Variants in NDUFB5 observed in about 807,000 individuals in gnomAD.
The protein encoded by NDUFB5 is NADH dehydrogenase [ubiquinone] 1 beta subcomplex subunit 5, mitochondrial.
A neutral mutation model predicts 19.4 loss-of-function variants in NDUFB5; 19 were observed. The ratio of observed to expected loss-of-function variants is 0.98; its 90% confidence interval spans 0.68 to 1.43. The LOEUF (loss-of-function observed/expected upper bound fraction) is 1.43, where lower values mean the gene tolerates loss of function less well. NDUFB5 is among the 40% of genes most tolerant of loss of function. NDUFB5 has a pLI of 0.00. For synonymous variants in NDUFB5, 80 were observed against 82.6 expected, an observed-to-expected ratio of 0.97 and a Z score of 0.17; for missense variants, 233 against 236.5, an observed-to-expected ratio of 0.99 and a Z score of 0.10.
chr3:179,614,094 G>C (rs1193445008), intron 1 of NDUFB5, among the ~76,000 whole-genome samples: 1 of 152,194 alleles, frequency 6.6e-6, no homozygotes, highest in Non-Finnish European at 1.5e-5. Flanking sequence ...TAGTTACACA[G>C]TGAAAAGATA....
intron 5 of NDUFB5, among the ~76,000 whole-genome samples, chr3:179,619,949 G>C (rs914557456): frequency 6.6e-6 from 1 of 152,212 alleles, no homozygotes; most frequent in Non-Finnish European, 1.5e-5. Context: ...CTGATGGCCA[G>C]TGATATGAAT....
chr3:179,627,058 C>G lies in NDUFB5; in HGVS notation c.*3018C>G, dbSNP rs1319027999. On this transcript the variant is annotated 3_prime_UTR_variant, in exon 6 of 6. Transcript: ENST00000259037. ...CAGCATTGCTTGGCTTCTGGGGAGG[C>G]CTCAAGGAACTTTCACTCATAGCAG... is the stretch of plus-strand genomic sequence containing the variant. 1 of 152,096 alleles carries G rather than the reference C, an allele frequency of 6.6e-6. No individual in the cohort carries two copies. Among genetic ancestry groups the G allele is most frequent in the African/African-American group, 2.4e-5 (1 of 41,386 alleles). The allele number at this position is 152,096 out of a possible 1,614,324, so 9.4% of individuals were successfully genotyped here.
intron 1 of NDUFB5, among the ~76,000 whole-genome samples, chr3:179,611,727 T>A (rs1719246626): frequency 6.6e-6 from 1 of 152,050 alleles, no homozygotes; most frequent in South Asian, 2.1e-4. Flanking sequence ...ACACAAAAAG[T>A]TCCCACATTC....
intron 1 of NDUFB5, among the ~76,000 whole-genome samples, chr3:179,613,667 T>C (rs1719306198): frequency 6.6e-6 from 1 of 152,214 alleles, no homozygotes. Context: ...TTAAAAAGCC[T>C]TAGTAGTATG....
At chr3:179,622,430 C>G (rs1719563261) in intron 5 of NDUFB5, among the ~76,000 whole-genome samples, 1 of 152,164 alleles carries the variant, frequency 6.6e-6, no homozygotes, top group Admixed American at 6.5e-5. Context: ...TACAGACGTG[C>G]CACTGCTCCC....
chr3:179,618,789 T>G (rs1344482722), intron 5 of NDUFB5, among the ~76,000 whole-genome samples: 7 of 152,060 alleles, frequency 4.6e-5, no homozygotes, highest in Non-Finnish European at 8.8e-5. Context: ...AGGCAGAGGT[T>G]GCAGTGAGCC....
At chr3:179,613,643 C>T (rs1164294965) in intron 1 of NDUFB5, among the ~76,000 whole-genome samples, 1 of 152,158 alleles carries the variant, frequency 6.6e-6, no homozygotes, top group Non-Finnish European at 1.5e-5. Context: ...GTCAAATTCT[C>T]TTAATCTTGT....
In NDUFB5 at chr3:179,621,092, G is replaced by A. The variant is rs79486226; in HGVS notation, c.449+2571G>A. Among the ~76,000 whole-genome samples the A allele has an allele frequency of 2.7e-3, 406 of 151,476 alleles. 14 individuals carry two copies. In the East Asian group the frequency reaches 0.061, roughly 23 times the overall value. On this transcript the variant is annotated intron_variant, in intron 5 of 5. Transcript: ENST00000259037. ...TGTATTTCTTTTCTTTCTTCCCCCC[G>A]CCCGAGACAAAGTCTTGCTCTGTTG...
At position 179,616,989 on chromosome 3, in the gene NDUFB5, C is replaced by G. The variant is rs1560025898; in HGVS notation, c.287C>G (p.Ala96Gly). 1 of 1,611,470 alleles carries G rather than the reference C, an allele frequency of 6.2e-7. No individual in the cohort carries two copies. Among genetic ancestry groups the G allele is most frequent in the Non-Finnish European group, 8.5e-7 (1 of 1,178,106 alleles). Reference protein sequence around the residue: ...ITLVNVFIGQAELAEIPEGYV... With the variant: ...ITLVNVFIGQGELAEIPEGYV... Reference sequence around the variant, plus strand: ...AACCATTTTTTCTTATTAGGTCAAGCTGAACTAGCAGAAATTCCAGAAGGC... The same window carrying G: ...AACCATTTTTTCTTATTAGGTCAAGGTGAACTAGCAGAAATTCCAGAAGGC... Residue 96 changes from alanine to glycine, a missense_variant, in exon 4 of 6, where the codon GCT (alanine) becomes GGT (glycine). Physicochemically the swap from Ala to Gly is moderately conservative, Grantham distance 60. Coordinates refer to ENST00000259037, the MANE Select transcript of NDUFB5 (RefSeq NM_002492.4).
rs1205872148 is a variant in NDUFB5 at position 179,617,016 on chromosome 3, A to G, written c.314A>G (p.Tyr105Cys). ...GAACTAGCAGAAATTCCAGAAGGCT[A>G]TGTCCCAGAACACTGGGAATATTAT... Reference protein sequence around the residue: ...QAELAEIPEGYVPEHWEYYKH... With the variant: ...QAELAEIPEGCVPEHWEYYKH... The change falls in exon 4 of 6, where the codon TAT (tyrosine) becomes TGT (cysteine). Residue 105 changes from tyrosine to cysteine, a missense_variant. Coordinates refer to ENST00000259037, the MANE Select transcript of NDUFB5 (RefSeq NM_002492.4). 7 of 1,612,702 alleles carry G rather than the reference A, an allele frequency of 4.3e-6. No individual in the cohort carries two copies. The East Asian group carries it at 8.9e-5, about 21-fold the overall frequency.
At chr3:179,621,274 C>T (rs941220682) in intron 5 of NDUFB5, among the ~76,000 whole-genome samples, 9 of 151,972 alleles carry the variant, frequency 5.9e-5, no homozygotes, top group African/African-American at 1.9e-4. Context: ...GACATAGTTT[C>T]ACCGTGTTGC....
At chr3:179,610,699 C>G (rs537210975) in intron 1 of NDUFB5, among the ~76,000 whole-genome samples, 2 of 152,254 alleles carry the variant, frequency 1.3e-5, no homozygotes, top group Non-Finnish European at 2.9e-5. Context: ...CTCTGTAAAC[C>G]TTTCTCAGAA....
chr3:179,609,218 G>T (rs1719178422), intron 1 of NDUFB5, among the ~76,000 whole-genome samples: 1 of 152,142 alleles, frequency 6.6e-6, no homozygotes, highest in East Asian at 1.9e-4. Flanking sequence ...ATTCTTATGG[G>T]TATATCTGCA....
chr3:179,611,624 T>C (rs1719243428), intron 1 of NDUFB5, among the ~76,000 whole-genome samples: 2 of 152,006 alleles, frequency 1.3e-5, no homozygotes, highest in Non-Finnish European at 2.9e-5. Context: ...GGTCTCGAAC[T>C]CCTGACCTCA....
chr3:179,622,316 TG>T (rs1408441910), intron 5 of NDUFB5, among the ~76,000 whole-genome samples: 1 of 151,590 alleles, frequency 6.6e-6, no homozygotes, highest in Non-Finnish European at 1.5e-5. Context: ...GTTTTGTTTT[TG>T]TTTTTTTTTT....
At chr3:179,619,200 T>G (rs1560026593) in intron 5 of NDUFB5, among the ~76,000 whole-genome samples, 1 of 150,306 alleles carries the variant, frequency 6.7e-6, no homozygotes, top group African/African-American at 2.5e-5. Context: ...GTGCCTGTTT[T>G]TTTTTTTTTT....
intron 2 of NDUFB5, 79 bp downstream of exon 2, chr3:179,615,138 T>C: frequency 1.5e-6 from 1 of 682,198 alleles, no homozygotes. Flanking sequence ...AAAACATCTT[T>C]CATTTTATGA....
intron 5 of NDUFB5, among the ~76,000 whole-genome samples, chr3:179,623,221 A>C (rs1719581826): frequency 6.6e-6 from 1 of 152,272 alleles, no homozygotes; most frequent in Non-Finnish European, 1.5e-5. Flanking sequence ...CTGGCACAGC[A>C]TATGGCCATA....
rs778341615 is a variant in NDUFB5, at chr3:179,625,057, T to C, written c.*1017T>C. 1 of 152,150 alleles carries C rather than the reference T, an allele frequency of 6.6e-6. No individual in the cohort carries two copies. Among genetic ancestry groups the C allele is most frequent in the Non-Finnish European group, 1.5e-5 (1 of 68,024 alleles). 9.4% of individuals were successfully genotyped at this position (152,150 alleles called of 1,614,324 possible). ...GGCCTGTCTCCACTTCCCAAAGTGCTGATTACAGGCCTGAGCCACTGCACC... is the reference window on the plus strand; with the variant it reads ...GGCCTGTCTCCACTTCCCAAAGTGCCGATTACAGGCCTGAGCCACTGCACC... On this transcript the variant is annotated 3_prime_UTR_variant, in exon 6 of 6. Transcript: ENST00000259037.
Sources: gnomAD v4.1 joint callset for allele counts (sites outside exome capture counted in the v4.1 genomes callset) on GRCh38, gnomAD v4.1.1 for gene constraint, MANE v1.5 for transcripts, NCBI Gene and HGNC (gene_info 2026-07-23, HGNC 2026-07-21) for gene names.